Variants in ZDHHC11 observed in about 807,000 individuals in gnomAD.
The protein encoded by ZDHHC11 is palmitoyltransferase ZDHHC11.
A neutral mutation model predicts 51.3 loss-of-function variants in ZDHHC11; 44 were observed. The observed-to-expected ratio is 0.86, with a 90% CI of 0.67 to 1.10. The LOEUF (loss-of-function observed/expected upper bound fraction) is 1.10, where lower values mean the gene tolerates loss of function less well. Among genes scored for constraint, ZDHHC11 ranks in the 50% least tolerant of loss-of-function variants. ZDHHC11 has a pLI of 0.00. For synonymous variants in ZDHHC11, 163 were observed against 222.0 expected (o/e 0.73, Z 2.36); for missense variants, 400 against 537.7 (o/e 0.74, Z 2.53).
chr5:852,055 CAAAA>C (rs111722785), upstream of ZDHHC11, among the ~76,000 whole-genome samples: 1 of 106,912 alleles, frequency 9.4e-6, no homozygotes. Flanking sequence ...GACTCCATCT[CAAAA>C]AAAAAAAAAA....
At chr5:816,916 C>A (rs140980985) in intron 10 of ZDHHC11, 24 of 410,896 alleles carry the variant, frequency 5.8e-5, no homozygotes, top group African/African-American at 4.3e-4. Context: ...ATTTTTCTGA[C>A]CCCAGTGGGA....
chr5:848,876 C>G (rs1374498999), intron 1 of ZDHHC11, among the ~76,000 whole-genome samples: 1 of 150,036 alleles, frequency 6.7e-6, no homozygotes, highest in East Asian at 2.0e-4. Flanking sequence ...GCCCTGCTCA[C>G]CTGGGCGTGC....
chr5:824,188 G>C, intron 8 of ZDHHC11: 1 of 422,566 alleles, frequency 2.4e-6, no homozygotes. Context: ...GCCTGGCGTG[G>C]TGGCTCACGC....
chr5:816,248 T>C (rs1740767276), intron 10 of ZDHHC11: 1 of 244,254 alleles, frequency 4.1e-6, no homozygotes, highest in Non-Finnish European at 8.2e-6. Context: ...TTTATTCTTC[T>C]TTTTTCGGAA....
chr5:855,641 GC>G (rs1748108023), upstream of ZDHHC11, among the ~76,000 whole-genome samples: 4 of 138,956 alleles, frequency 2.9e-5, no homozygotes, highest in African/African-American at 5.4e-5. Context: ...GAGCTGGGGG[GC>G]ACAGACCCCA....
chr5:825,436 G>T (rs1182419569), intron 7 of ZDHHC11, among the ~76,000 whole-genome samples, 185 bp from the exon 8 acceptor site: 1 of 152,084 alleles, frequency 6.6e-6, no homozygotes, highest in African/African-American at 2.4e-5. Flanking sequence ...AGTGGCACAC[G>T]TAAGAAGCTT....
upstream of ZDHHC11, among the ~76,000 whole-genome samples, chr5:853,328 A>G (rs1747587502): frequency 7.2e-6 from 1 of 139,678 alleles, no homozygotes; most frequent in Non-Finnish European, 1.5e-5. Flanking sequence ...TCGGGCACAG[A>G]CCCCGCAGAG....
intron 4 of ZDHHC11, chr5:842,104 A>G: frequency 2.0e-6 from 2 of 986,558 alleles, no homozygotes; most frequent in Non-Finnish European, 1.2e-6. Context: ...GGAACAGCAA[A>G]CCCAGGAATT....
At chr5:814,692 TC>T in intron 11 of ZDHHC11, 68 bp downstream of exon 11, 1 of 1,409,862 alleles carries the variant, frequency 7.1e-7, no homozygotes, top group South Asian at 1.4e-5. Context: ...GAACATATTT[TC>T]CTATGTAATT....
upstream of ZDHHC11, among the ~76,000 whole-genome samples, chr5:859,624 C>T (rs564365875): frequency 6.6e-6 from 1 of 152,284 alleles, no homozygotes; most frequent in East Asian, 1.9e-4. Context: ...TTCGTAGTCT[C>T]GCGAGTGCAG....
At chr5:816,593 C>T in intron 10 of ZDHHC11, 1 of 626,760 alleles carries the variant, frequency 1.6e-6, no homozygotes, top group Admixed American at 1.8e-5. Flanking sequence ...TGACGGTCAC[C>T]TCACCATCTG....
rs113347429 is a variant in ZDHHC11, at chr5:821,348, G to A, written c.1058+513C>T. ...CCAGAGCCTAAGAAGCTGCAGGCCT[G>A]TGGTGCCCAGCACTGAAACAAGGAG... On this transcript the variant is annotated intron_variant, in intron 9 of 12. Transcript: ENST00000283441. 1,259 of 152,634 alleles carry A rather than the reference G, an allele frequency of 8.2e-3. 37 individuals are homozygous for A. The highest frequency in any genetic ancestry group is 0.029 in the African/African-American group (1,178 of 41,324). 9.5% of individuals were successfully genotyped at this position (152,634 alleles called of 1,614,324 possible). A position where few individuals can be genotyped will look rare whatever the true frequency, so the allele number is the denominator to read the frequency against.
intron 8 of ZDHHC11, chr5:823,922 G>A: frequency 2.6e-6 from 1 of 389,086 alleles, no homozygotes; most frequent in East Asian, 7.2e-5. Context: ...GGTGGGCTGG[G>A]GGCTCAATCG....
chr5:819,981 A>G (rs1311137840), intron 9 of ZDHHC11, among the ~76,000 whole-genome samples: 1 of 151,270 alleles, frequency 6.6e-6, no homozygotes, highest in Non-Finnish European at 1.5e-5. Context: ...CACATCATAC[A>G]TGTCACAGGG....
intron 1 of ZDHHC11, among the ~76,000 whole-genome samples, chr5:857,058 C>T (rs1366366771): frequency 6.6e-6 from 1 of 151,904 alleles, no homozygotes; most frequent in Non-Finnish European, 1.5e-5. Flanking sequence ...CTCACACTCC[C>T]ACACACACCA....
rs201430356 is a variant in ZDHHC11 at position 801,080 on chromosome 5, C to T, written c.*7+20G>A. ...AACTTGGGTAGATTTCAACATGACC[C>T]GCACTGCCACGTATCTTACCTGAAT... On this transcript the variant is annotated intron_variant, in intron 12 of 12. Transcript: ENST00000283441. 9.8e-4 allele frequency: 1,566 copies of T among 1,601,874 alleles called. 60 individuals are homozygous for T. The highest frequency in any genetic ancestry group is 1.1e-3 in the Non-Finnish European group (1,308 of 1,170,772).
intron 9 of ZDHHC11, among the ~76,000 whole-genome samples, chr5:820,133 G>A (rs1378647004): frequency 2.0e-5 from 3 of 151,378 alleles, no homozygotes; most frequent in Admixed American, 2.0e-4. Context: ...GAGAAAGTTT[G>A]TAATTCCGGT....
At chr5:825,770 C>G (rs1353600052) in intron 7 of ZDHHC11, among the ~76,000 whole-genome samples, 1 of 152,274 alleles carries the variant, frequency 6.6e-6, no homozygotes, top group Non-Finnish European at 1.5e-5. Context: ...GTGCCACCTC[C>G]TGGCTGGAGG....
intron 10 of ZDHHC11, among the ~76,000 whole-genome samples, chr5:815,821 G>T (rs1481706350): frequency 1.3e-5 from 2 of 151,508 alleles, no homozygotes; most frequent in African/African-American, 4.8e-5. Flanking sequence ...GCCCAGGCTG[G>T]TCTCAAACTC....
Sources: allele counts gnomAD v4.1 joint callset (sites outside exome capture counted in the v4.1 genomes callset), GRCh38; gene constraint gnomAD v4.1.1; transcripts MANE v1.5; gene names NCBI Gene and HGNC (gene_info 2026-07-23, HGNC 2026-07-21).